Variants in JAG1 observed in about 807,000 individuals in gnomAD.
The protein encoded by JAG1 is jagged canonical Notch ligand 1.
Under a neutral mutation model 148.7 loss-of-function variants are expected in JAG1, and 23 were observed. The observed-to-expected ratio is 0.15, with a 90% CI of 0.11 to 0.22. The LOEUF is 0.22. Among genes scored for constraint, JAG1 ranks in the 10% least tolerant of loss-of-function variants. The pLI, the probability that JAG1 is intolerant of heterozygous loss-of-function variation, is 1.00. For synonymous variants in JAG1, 572 were observed against 598.3 expected (o/e 0.96, Z 0.64); for missense variants, 1,054 against 1,611.2 (o/e 0.65, Z 5.92).
intron 2 of JAG1, among the ~76,000 whole-genome samples, chr20:10,670,220 C>A (rs1312371832): frequency 6.6e-6 from 1 of 152,164 alleles, no homozygotes; most frequent in Non-Finnish European, 1.5e-5. Flanking sequence ...GGTCATAATT[C>A]CAAACAAAAA....
At position 10,645,905 on chromosome 20, in the gene JAG1, G is replaced by T. The variant is rs564185961; in HGVS notation, c.1999+66C>A. On this transcript the variant is annotated intron_variant, in intron 15 of 25. Transcript: ENST00000254958. The surrounding 1 kb of genome is among the most constrained non-coding windows in gnomAD (Gnocchi z 6.1). Reference sequence around the variant, plus strand: ...TCCAGTACAAAGAAAGTTTTCCCACGTTGAAGTGGGATCCCTCCAACATGA... The same window carrying T: ...TCCAGTACAAAGAAAGTTTTCCCACTTTGAAGTGGGATCCCTCCAACATGA... 1.8e-6 allele frequency: 2 copies of T among 1,116,874 alleles called. No homozygotes were observed. Among genetic ancestry groups the T allele is most frequent in the Non-Finnish European group, 2.8e-6 (2 of 726,694 alleles). The allele number at this position is 1,116,874 out of a possible 1,614,324, so 69.2% of individuals were successfully genotyped here. A position where few individuals can be genotyped will look rare whatever the true frequency, so the allele number is the denominator to read the frequency against.
intron 6 of JAG1, 93 bp downstream of exon 6, chr20:10,652,375 C>T (rs759883320): frequency 6.3e-7 from 1 of 1,597,438 alleles, no homozygotes; most frequent in Non-Finnish European, 8.6e-7. Context: ...AAGGAGAATT[C>T]AGAATAAAAG....
intron 4 of JAG1, among the ~76,000 whole-genome samples, chr20:10,656,862 C>G (rs1039492457): frequency 7.2e-6 from 1 of 138,826 alleles, no homozygotes; most frequent in African/African-American, 2.9e-5. Context: ...TTCAGATGAG[C>G]CTCAGCCTTT....
At chr20:10,655,321 A>C (rs1221340829) in intron 5 of JAG1, among the ~76,000 whole-genome samples, 1 of 152,212 alleles carries the variant, frequency 6.6e-6, no homozygotes, top group Non-Finnish European at 1.5e-5. Flanking sequence ...ACCAAGGACT[A>C]GGATTCTATG....
rs771530161 is a variant in JAG1 at position 10,639,859 on chromosome 20, GGCTTCCGCC to G, written c.3287_3295del (p.Arg1096_Lys1098del). The stretch of plus-strand genomic sequence containing the variant: ...AGAGGCTGAGTGTGTGTGGCTGCCC[GGCTTCCGCC>G]GCTTCCGCAGGCACCAGTAGAAGGC... On this transcript the variant is annotated inframe_deletion, in exon 26 of 26. Transcript: ENST00000254958. 2.5e-6 allele frequency: 4 copies of G among 1,614,002 alleles called. No individual in the cohort carries two copies. The highest frequency in any genetic ancestry group is 1.1e-5 in the South Asian group (1 of 91,082).
At chr20:10,653,560 C>A (rs2067359740) in intron 5 of JAG1, among the ~76,000 whole-genome samples, 2 of 146,700 alleles carry the variant, frequency 1.4e-5, no homozygotes, top group Admixed American at 1.4e-4. Flanking sequence ...ATCAACTAGC[C>A]TCCCGGTGGA....
At position 10,640,798 on chromosome 20, in the gene JAG1, G is replaced by A. The variant is rs1295980589; in HGVS notation, c.3184C>T (p.Leu1062=). 6.2e-7 allele frequency: 1 copy of A among 1,614,084 alleles called. No homozygotes were observed. Among genetic ancestry groups the A allele is most frequent in the Non-Finnish European group, 8.5e-7 (1 of 1,180,048 alleles). Residue 1062 remains leucine (L), a synonymous_variant, in exon 25 of 26, where the codon CTG becomes TTG. Transcript: ENST00000254958. ...TGACACCTACCTGTTCTGTTCTTCA[G>A]AGGCCGCCTCTGAACTCTTACTTCT... The part of the protein sequence containing the change: ...VAEVRVQRRP[L]KNRTDFLVPL...
In JAG1 at chr20:10,673,764, C is replaced by G; in HGVS notation, c.-234G>C. The G allele has an allele frequency of 8.5e-6, 2 of 236,242 alleles. No individual in the cohort carries two copies. The highest frequency in any genetic ancestry group is 1.6e-5 in the Non-Finnish European group (2 of 124,530). 14.6% of individuals were successfully genotyped at this position (236,242 alleles called of 1,614,324 possible). On this transcript the variant is annotated 5_prime_UTR_variant, in exon 1 of 26. Transcript: ENST00000254958. The surrounding 1 kb of genome is among the most constrained non-coding windows in gnomAD (Gnocchi z 4.7). Reference sequence around the variant, plus strand: ...CCTCCTTTTATTATTCTGATCGCTTCTTTGAGACGCTCCCCCTCCTCTTCC... The same window carrying G: ...CCTCCTTTTATTATTCTGATCGCTTGTTTGAGACGCTCCCCCTCCTCTTCC...
chr20:10,672,625 C>T, intron 2 of JAG1, 76 bp downstream of exon 2: 1 of 1,446,938 alleles, frequency 6.9e-7, no homozygotes, highest in Non-Finnish European at 9.6e-7. Context: ...TTAAATCCCT[C>T]TCGCAAGGGA....
chr20:10,653,798 A>G (rs1197809009), intron 5 of JAG1, among the ~76,000 whole-genome samples: 1 of 152,176 alleles, frequency 6.6e-6, no homozygotes, highest in African/African-American at 2.4e-5. Flanking sequence ...ATAGGGATCT[A>G]GCTAATAGCT....
chr20:10,639,826 T>G lies in JAG1; in HGVS notation c.3329A>C (p.Asn1110Thr), dbSNP rs150811951. 1.2e-4 allele frequency: 188 copies of G among 1,614,090 alleles called. No homozygotes were observed. The highest frequency in any genetic ancestry group is 2.1e-4 in the African/African-American group (16 of 74,924). The change falls in exon 26 of 26, where the codon AAC (asparagine) becomes ACC (threonine). Residue 1110 changes from asparagine to threonine, a missense_variant. This residue lies in a region of JAG1 where 177 missense variants were observed against 177.3 expected (regional missense o/e 1.00). Transcript: ENST00000254958. ...CTGCTCCCGCACGTTGTTGGTGGTG[T>G]TGTCCTCAGAGGCTGAGTGTGTGTG... ...GSHTHSASED[N>T]TTNNVREQLN... is the part of the protein sequence containing the mutation.
intron 23 of JAG1, 21 bp from the exon 24 acceptor site, chr20:10,641,265 C>T (rs371083907): frequency 1.9e-6 from 3 of 1,612,816 alleles, no homozygotes; most frequent in Non-Finnish European, 2.5e-6. Context: ...TTTTAAAAAC[C>T]CACACACGTG....
At chr20:10,664,175 A>G (rs2067436144) in intron 2 of JAG1, among the ~76,000 whole-genome samples, 161 bp from the exon 3 acceptor site, 1 of 152,140 alleles carries the variant, frequency 6.6e-6, no homozygotes, top group South Asian at 2.1e-4. Context: ...TTAAATCCAA[A>G]CCAACTCCCC....
rs777590374 is a variant in JAG1 at position 10,656,477 on chromosome 20, G to A, written c.695-19C>T. On this transcript the variant is annotated intron_variant, in intron 4 of 25. Transcript: ENST00000254958. ...CAAATAGCTGTAAAAAACAGAGAAG[G>A]GCGTGTCAGCACACTGCCTGTTCCT... 1 of 1,611,726 alleles carries A rather than the reference G, an allele frequency of 6.2e-7. No homozygotes were observed. Among genetic ancestry groups the A allele is most frequent in the East Asian group, 2.2e-5 (1 of 44,878 alleles).
intron 3 of JAG1, 125 bp from the exon 4 acceptor site, chr20:10,658,847 AG>A (rs775040792): frequency 1.2e-5 from 13 of 1,071,034 alleles, no homozygotes; most frequent in Non-Finnish European, 1.7e-5. Flanking sequence ...AAAAAGGCAA[AG>A]AAATGAAAAG....
chr20:10,653,709 C>G (rs534118308), intron 5 of JAG1, among the ~76,000 whole-genome samples: 8 of 152,258 alleles, frequency 5.3e-5, no homozygotes, highest in Admixed American at 2.0e-4. Context: ...CCCCCGCCCC[C>G]TCTAGCTCCC....
At chr20:10,670,847 T>C (rs1263748178) in intron 2 of JAG1, among the ~76,000 whole-genome samples, 1 of 152,140 alleles carries the variant, frequency 6.6e-6, no homozygotes, top group African/African-American at 2.4e-5. Flanking sequence ...CACCAGCAAA[T>C]GCAAATCAAT....
intron 4 of JAG1, 131 bp downstream of exon 4, chr20:10,658,337 C>T (rs2067391893): frequency 8.5e-6 from 10 of 1,171,142 alleles, no homozygotes; most frequent in East Asian, 2.3e-5. Context: ...CATCTTCATA[C>T]TGCAGGCCCA....
intron 2 of JAG1, among the ~76,000 whole-genome samples, chr20:10,666,418 G>A (rs931673310): frequency 2.6e-4 from 40 of 152,116 alleles, no homozygotes; most frequent in African/African-American, 7.2e-4. Context: ...CCACTATGCC[G>A]AAGTCACATA....
Sources: gnomAD v4.1 joint callset for allele counts (sites outside exome capture counted in the v4.1 genomes callset) on GRCh38, gnomAD v4.1.1 for gene constraint, gnomAD v4.1.1 regional missense constraint, Gnocchi (gnomAD v3.1) non-coding constraint, MANE v1.5 for transcripts, NCBI Gene and HGNC (gene_info 2026-07-23, HGNC 2026-07-21) for gene names.